The following FAM20C variants were observed in gnomAD, a reference collection of about 807,000 sequenced individuals.
FAM20C encodes FAM20C golgi associated secretory pathway kinase, also known as extracellular serine/threonine protein kinase FAM20C.
A neutral mutation model predicts 51.5 loss-of-function variants in FAM20C; 40 were observed. That is an observed-to-expected ratio of 0.78 (90% CI 0.60 to 1.01). The LOEUF (loss-of-function observed/expected upper bound fraction) is 1.01, where lower values mean the gene tolerates loss of function less well. Ranked by LOEUF, FAM20C falls within the 50% of genes least tolerant of loss-of-function variation. The pLI, the probability that FAM20C is intolerant of heterozygous loss-of-function variation, is 0.00. For missense variants in FAM20C, 861 were observed against 844.7 expected, an observed-to-expected ratio of 1.02 and a Z score of -0.24; for synonymous variants, 406 against 380.6, an observed-to-expected ratio of 1.07 and a Z score of -0.78.
At chr7:257,340 T>G in intron 8 of FAM20C, 1 of 522,088 alleles carries the variant, frequency 1.9e-6, no homozygotes, top group Non-Finnish European at 3.4e-6. Flanking sequence ...TGGTGTTACC[T>G]GGGAAACGGA....
rs1337499922 is a variant in FAM20C at position 242,424 on chromosome 7, C to T, written c.864-3991C>T. On this transcript the variant is annotated intron_variant, in intron 3 of 9. Transcript: ENST00000313766. ...AGAGGGTCTTCCTGGAGGCGGTGGC[C>T]AGGACAGTCCTGACTGAGAAAGCAG... Among the ~76,000 whole-genome samples, 5 of 151,478 alleles carry T rather than the reference C, an allele frequency of 3.3e-5. No individual in the cohort carries two copies. The East Asian group carries it at 9.8e-4, about 30-fold the overall frequency.
intron 3 of FAM20C, among the ~76,000 whole-genome samples, chr7:212,909 G>A (rs369397192): frequency 3.3e-5 from 5 of 152,134 alleles, no homozygotes; most frequent in African/African-American, 7.2e-5. Context: ...ATTTTAGCCC[G>A]TTTTCCGTGA....
At position 205,256 on chromosome 7, in the gene FAM20C, C is replaced by T. The variant is rs185722552; in HGVS notation, c.785-3642C>T. Among the ~76,000 whole-genome samples the T allele has an allele frequency of 9.5e-4, 142 of 149,552 alleles. 2 individuals are homozygous for T. In the East Asian group the frequency reaches 0.018, roughly 19 times the overall value. Reference sequence around the variant, plus strand: ...TAGCTGGGACCACAGACACGCACCACCACGACGTCAGCCTCCCGAGTAGCC... The same window carrying T: ...TAGCTGGGACCACAGACACGCACCATCACGACGTCAGCCTCCCGAGTAGCC... On this transcript the variant is annotated intron_variant, in intron 2 of 9. Transcript: ENST00000313766.
intron 2 of FAM20C, among the ~76,000 whole-genome samples, chr7:198,035 G>A (rs12672929): frequency 0.075 from 11,370 of 152,282 alleles, 581 homozygotes; most frequent in East Asian, 0.23. Context: ...GCCTGGGTGT[G>A]TCCTGGTTAA....
intron 6 of FAM20C, 48 bp downstream of exon 6, chr7:256,077 G>A (rs1279341407): frequency 3.9e-6 from 6 of 1,523,802 alleles, no homozygotes; most frequent in Non-Finnish European, 5.3e-6. Context: ...TACGGCAGAG[G>A]GAGCTGGGCC....
chr7:214,508 CG>C (rs1562374653), intron 3 of FAM20C, among the ~76,000 whole-genome samples: 1 of 152,172 alleles, frequency 6.6e-6, no homozygotes, highest in Non-Finnish European at 1.5e-5. Flanking sequence ...GTGCGGGAGG[CG>C]GTACCTGCAC....
intron 3 of FAM20C, chr7:228,662 T>G: frequency 2.2e-6 from 1 of 456,276 alleles, no homozygotes; most frequent in Non-Finnish European, 4.4e-6. Flanking sequence ...TTTGGACAAC[T>G]GGTGCCTGGA....
chr7:243,820 G>A (rs899217717), intron 3 of FAM20C, among the ~76,000 whole-genome samples: 22 of 152,068 alleles, frequency 1.4e-4, no homozygotes, highest in Non-Finnish European at 2.9e-4. Context: ...CAGTTTCCTA[G>A]CGGCTTTATC....
In FAM20C at chr7:257,054, A is replaced by C. The variant is rs1788616390; in HGVS notation, c.1413A>C (p.Glu471Asp). Residue 471 changes from glutamate to aspartate, a missense_variant, in exon 8 of 10, where the codon GAA (glutamate) becomes GAC (aspartate). Around this residue, in one of 3 missense-constraint regions of FAM20C, gnomAD observed 269 missense variants for 283.8 expected, o/e 0.95. Coordinates refer to ENST00000313766, the MANE Select transcript of FAM20C (RefSeq NM_020223.4). ...AGACTTTTGAGAAGTTTGGGAATGA[A>C]ACGTTCATCATCCACTTAGACAATG... The part of the protein sequence containing the change: ...HYETFEKFGN[E>D]TFIIHLDNGR... 1 of 1,537,000 alleles carries C rather than the reference A, an allele frequency of 6.5e-7. No homozygotes were observed. Among genetic ancestry groups the C allele is most frequent in the Admixed American group, 2.0e-5 (1 of 50,992 alleles).
At chr7:204,499 G>A (rs1295892131) in intron 2 of FAM20C, among the ~76,000 whole-genome samples, 1 of 152,268 alleles carries the variant, frequency 6.6e-6, no homozygotes, top group Non-Finnish European at 1.5e-5. Flanking sequence ...GCTGCCTGGA[G>A]GGAATGGGCA....
At chr7:249,148 C>T (rs1788295966) in intron 5 of FAM20C, among the ~76,000 whole-genome samples, 1 of 152,248 alleles carries the variant, frequency 6.6e-6, no homozygotes, top group Admixed American at 6.5e-5. Flanking sequence ...GCCCAGCCAG[C>T]AAACATCCAT....
In FAM20C at chr7:193,321, C is replaced by G; in HGVS notation, c.122C>G (p.Ser41Trp). The change falls in exon 1 of 10, where the codon TCG becomes TGG. Residue 41 changes from serine to tryptophan, a missense_variant. Around this residue, in one of 3 missense-constraint regions of FAM20C, gnomAD observed 561 missense variants for 499.8 expected, o/e 1.12. Coordinates refer to ENST00000313766, the MANE Select transcript of FAM20C (RefSeq NM_020223.4). ...CTGGAGCGACGCGGCGCGCGGCCCT[C>G]GGGGGAGCCCGGCTGTTCGTGCGCG... ...PRLERRGARP[S>W]GEPGCSCAQP... 1 of 1,384,818 alleles carries G rather than the reference C, an allele frequency of 7.2e-7. No homozygotes were observed. The highest frequency in any genetic ancestry group is 9.4e-7 in the Non-Finnish European group (1 of 1,060,550). The allele number at this position is 1,384,818 out of a possible 1,614,324, so 85.8% of individuals were successfully genotyped here. A position where few individuals can be genotyped will look rare whatever the true frequency, so the allele number is the denominator to read the frequency against.
intron 3 of FAM20C, among the ~76,000 whole-genome samples, chr7:222,019 GCCGTTCTTAGCAT>G: frequency 9.2e-6 from 1 of 108,884 alleles, no homozygotes; most frequent in Non-Finnish European, 2.1e-5. Flanking sequence ...GGCTGCAGGA[GCCGTTCTTAGCAT>G]CTGGGCACAG....
At chr7:244,178 C>T (rs969525717) in intron 3 of FAM20C, among the ~76,000 whole-genome samples, 2 of 151,924 alleles carry the variant, frequency 1.3e-5, no homozygotes, top group Non-Finnish European at 2.9e-5. Flanking sequence ...CATGCTGGGC[C>T]GTTCTGGGGA....
chr7:235,013 C>T (rs986045128), intron 3 of FAM20C, among the ~76,000 whole-genome samples: 10 of 152,178 alleles, frequency 6.6e-5, no homozygotes, highest in Non-Finnish European at 1.3e-4. Context: ...CAGGAATGGG[C>T]CCCGGGCCAC....
At position 230,381 on chromosome 7, in the gene FAM20C, G is replaced by GA. The variant is rs1464883594; in HGVS notation, c.864-16034_864-16033insA. On this transcript the variant is annotated intron_variant, in intron 3 of 9. Coordinates refer to ENST00000313766, the MANE Select transcript of FAM20C (RefSeq NM_020223.4). ...TGTCCCCAGGACGGGGTGGGGGGGG[G>GA]GGGGAACAGATCCCCGTGGCTTAAA... Among the ~76,000 whole-genome samples the GA allele has an allele frequency of 2.8e-5, 3 of 105,462 alleles. 1 individual carries two copies. Among genetic ancestry groups the GA allele is most frequent in the Non-Finnish European group, 6.4e-5 (3 of 46,894 alleles). 69.2% of individuals were successfully genotyped at this position (105,462 alleles called of 152,430 possible).
At chr7:201,770 C>T (rs373924562) in intron 2 of FAM20C, among the ~76,000 whole-genome samples, 7 of 152,224 alleles carry the variant, frequency 4.6e-5, no homozygotes, top group South Asian at 2.1e-4. Flanking sequence ...ATACGAACAT[C>T]GCCTCTGTCT....
At chr7:254,247 C>T (rs1009403086) in intron 5 of FAM20C, among the ~76,000 whole-genome samples, 3 of 152,200 alleles carry the variant, frequency 2.0e-5, no homozygotes, top group African/African-American at 4.8e-5. Flanking sequence ...CTGTTCACTC[C>T]GCTGGGAAGC....
At chr7:242,309 C>T in intron 3 of FAM20C, among the ~76,000 whole-genome samples, 1 of 152,348 alleles carries the variant, frequency 6.6e-6, no homozygotes, top group African/African-American at 2.4e-5. Context: ...GATGTGCTGT[C>T]TGTGGGTCCG....
Sources: allele counts gnomAD v4.1 joint callset (sites outside exome capture counted in the v4.1 genomes callset), GRCh38; gene constraint gnomAD v4.1.1; regional missense constraint gnomAD v4.1.1; transcripts MANE v1.5; gene names NCBI Gene and HGNC (gene_info 2026-07-23, HGNC 2026-07-21).